Variants in TENM4 observed in about 807,000 individuals in gnomAD.
TENM4 encodes teneurin-4.
Under a neutral mutation model 243.3 loss-of-function variants are expected in TENM4, and 82 were observed. That is an observed-to-expected ratio of 0.34 (90% CI 0.28 to 0.40). The LOEUF (loss-of-function observed/expected upper bound fraction) is 0.40, where lower values mean the gene tolerates loss of function less well. Among genes scored for constraint, TENM4 ranks in the 10% least tolerant of loss-of-function variants. TENM4 has a pLI of 1.00. For synonymous variants in TENM4, 1,412 were observed against 1,456.3 expected (o/e 0.97, Z 0.69); for missense variants, 3,138 against 3,673.3 (o/e 0.85, Z 3.77).
Position 79,226,329 on chromosome 11 carries a change from G to C in TENM4, c.-264-10420C>G, listed in dbSNP as rs34975012. ...TCCTTCCCACATTCACCTCTGTCCA[G>C]AGCTGCTATATCAGCAGCAAGGGCT... is the stretch of plus-strand genomic sequence containing the variant. On this transcript the variant is annotated intron_variant, in intron 2 of 33. Transcript: ENST00000278550. Among the ~76,000 whole-genome samples, 1,200 of 152,256 alleles carry C rather than the reference G, an allele frequency of 7.9e-3. 20 individuals are homozygous for C. Among genetic ancestry groups the C allele is most frequent in the African/African-American group, 0.028 (1,146 of 41,542 alleles).
In TENM4 at chr11:79,403,389, C is replaced by T. The variant is rs559455655; in HGVS notation, c.-321+37120G>A. ...AATGCTTTCAGGTACATTTTTATCT[C>T]ACTTTTTCTTCACAGCAACTCTGCG... On this transcript the variant is annotated intron_variant, in intron 1 of 33. Transcript: ENST00000278550. 1.2e-4 allele frequency among the ~76,000 whole-genome samples: 18 copies of T among 152,286 alleles called. No individual in the cohort carries two copies. In the South Asian group the frequency reaches 3.5e-3, roughly 30 times the overall value.
chr11:78,968,794 A>G (rs908303677), intron 6 of TENM4, among the ~76,000 whole-genome samples: 1 of 152,232 alleles, frequency 6.6e-6, no homozygotes, highest in African/African-American at 2.4e-5. Context: ...CCATAACTTC[A>G]ATGCTGTTTC....
At chr11:78,955,820 C>T (rs1455019258) in intron 6 of TENM4, among the ~76,000 whole-genome samples, 1 of 152,176 alleles carries the variant, frequency 6.6e-6, no homozygotes, top group Non-Finnish European at 1.5e-5. Flanking sequence ...TGAAAAAGGG[C>T]TTTGTCAACA....
chr11:78,947,200 C>A (rs1327542812), intron 6 of TENM4, among the ~76,000 whole-genome samples: 1 of 152,220 alleles, frequency 6.6e-6, no homozygotes, highest in East Asian at 1.9e-4. Flanking sequence ...CTCACGTACA[C>A]AGTGACCACA....
intron 1 of TENM4, among the ~76,000 whole-genome samples, chr11:79,407,029 GA>G (rs1858589224): frequency 6.6e-6 from 1 of 152,176 alleles, no homozygotes; most frequent in Non-Finnish European, 1.5e-5. Context: ...TCCTGCCCCT[GA>G]CCCCCAACCT....
Position 79,375,917 on chromosome 11 carries a change from G to T in TENM4, c.-321+64592C>A, listed in dbSNP as rs1857882315. On this transcript the variant is annotated intron_variant, in intron 1 of 33. Coordinates refer to ENST00000278550, the MANE Select transcript of TENM4 (RefSeq NM_001098816.3). ...CATTGTGGGATCACCACAGTGGGAG[G>T]GGAGGAAAGCAGCTCTGCTTTCTAT... Among the ~76,000 whole-genome samples the T allele has an allele frequency of 3.3e-5, 5 of 152,164 alleles. No homozygotes were observed. In the South Asian group the frequency reaches 1.0e-3, roughly 31 times the overall value.
intron 12 of TENM4, among the ~76,000 whole-genome samples, chr11:78,825,541 G>A (rs1857831060): frequency 6.6e-6 from 1 of 152,132 alleles, no homozygotes; most frequent in African/African-American, 2.4e-5. Context: ...TCGTCTGGAA[G>A]AAAGACAGAC....
At chr11:78,836,307 G>A (rs1390351510) in intron 12 of TENM4, among the ~76,000 whole-genome samples, 2 of 152,162 alleles carry the variant, frequency 1.3e-5, no homozygotes, top group Non-Finnish European at 2.9e-5. Flanking sequence ...CCGAGATTGC[G>A]CTGTTGCACT....
intron 3 of TENM4, chr11:79,191,416 C>T (rs1863486897): frequency 6.8e-6 from 1 of 147,354 alleles, no homozygotes; most frequent in African/African-American, 2.5e-5. Context: ...GACGGAGTCT[C>T]ATTCACTCAG....
chr11:78,999,429 T>C (rs1408371097), intron 6 of TENM4, among the ~76,000 whole-genome samples: 4 of 151,990 alleles, frequency 2.6e-5, no homozygotes, highest in Non-Finnish European at 1.5e-5. Flanking sequence ...GGCAGGAGAA[T>C]GGCATGAACC....
intron 3 of TENM4, among the ~76,000 whole-genome samples, chr11:79,194,833 G>A (rs115397211): frequency 6.6e-6 from 1 of 152,182 alleles, no homozygotes. Context: ...AAGTAGAAAG[G>A]AGCCTAATAT....
chr11:78,918,791 C>T (rs374753956), intron 6 of TENM4, among the ~76,000 whole-genome samples: 1 of 151,984 alleles, frequency 6.6e-6, no homozygotes, highest in Non-Finnish European at 1.5e-5. Context: ...TAAGGAAGTG[C>T]GAGAAATAAA....
In TENM4 at chr11:78,657,303, C is replaced by T. The variant is rs1346318145; in HGVS notation, c.*755G>A. 10 of 397,992 alleles carry T rather than the reference C, an allele frequency of 2.5e-5. No homozygotes were observed. Among genetic ancestry groups the T allele is most frequent in the Non-Finnish European group, 4.0e-5 (9 of 226,286 alleles). 24.7% of individuals were successfully genotyped at this position (397,992 alleles called of 1,614,324 possible). A position where few individuals can be genotyped will look rare whatever the true frequency, so the allele number is the denominator to read the frequency against. On this transcript the variant is annotated 3_prime_UTR_variant, in exon 34 of 34. Coordinates refer to ENST00000278550, the MANE Select transcript of TENM4 (RefSeq NM_001098816.3). ...TATGTCACTGGTCTGGGGGAAAGGACCTGGGAGACACTTTCTCTATCCCAG... is the reference window on the plus strand; with the variant it reads ...TATGTCACTGGTCTGGGGGAAAGGATCTGGGAGACACTTTCTCTATCCCAG...
chr11:79,012,299 G>A (rs1045502202), intron 6 of TENM4, among the ~76,000 whole-genome samples: 43 of 152,292 alleles, frequency 2.8e-4, no homozygotes, highest in African/African-American at 1.0e-3. Context: ...TTGTGGTAGG[G>A]CAAGGTTTTC....
At chr11:78,821,205 T>C (rs548082249) in intron 12 of TENM4, among the ~76,000 whole-genome samples, 1 of 152,360 alleles carries the variant, frequency 6.6e-6, no homozygotes, top group African/African-American at 2.4e-5. Context: ...TTCCTTATTA[T>C]ATTCAGTCTT....
intron 1 of TENM4, among the ~76,000 whole-genome samples, chr11:79,425,895 C>T (rs1269956597): frequency 1.3e-5 from 2 of 152,128 alleles, no homozygotes; most frequent in Non-Finnish European, 2.9e-5. Flanking sequence ...TAAGAGTGAA[C>T]AAGGCAACAT....
At chr11:79,407,092 C>T (rs545543224) in intron 1 of TENM4, among the ~76,000 whole-genome samples, 187 of 152,250 alleles carry the variant, frequency 1.2e-3, no homozygotes, top group Non-Finnish European at 1.9e-3. Flanking sequence ...GTGGACTGAT[C>T]ATTCACTCAA....
At chr11:78,831,977 G>A (rs1857995525) in intron 12 of TENM4, among the ~76,000 whole-genome samples, 1 of 152,164 alleles carries the variant, frequency 6.6e-6, no homozygotes, top group African/African-American at 2.4e-5. Flanking sequence ...AGTAATATGA[G>A]AGCCTATTGC....
Position 78,655,828 on chromosome 11 carries a change from G to C in TENM4, c.*2230C>G, listed in dbSNP as rs1250561520. On this transcript the variant is annotated 3_prime_UTR_variant, in exon 34 of 34. Transcript: ENST00000278550. ...GTCCCTTCTGGAGGACAAAACTTGTGTTCTTCAGGCCAAACTGTTTTCCAT... is the reference window on the plus strand; with the variant it reads ...GTCCCTTCTGGAGGACAAAACTTGTCTTCTTCAGGCCAAACTGTTTTCCAT... 6.6e-6 allele frequency: 1 copy of C among 152,204 alleles called. No individual in the cohort carries two copies. The allele number at this position is 152,204 out of a possible 1,614,324, so 9.4% of individuals were successfully genotyped here.
Sources: gnomAD v4.1 joint callset for allele counts (sites outside exome capture counted in the v4.1 genomes callset) on GRCh38, gnomAD v4.1.1 for gene constraint, MANE v1.5 for transcripts, NCBI Gene and HGNC (gene_info 2026-07-23, HGNC 2026-07-21) for gene names.